Variants in ST7 observed in about 807,000 individuals in gnomAD.
ST7 encodes suppression of tumorigenicity 7, also known as suppressor of tumorigenicity 7 protein.
Under a neutral mutation model 78.7 loss-of-function variants are expected in ST7, and 28 were observed. The ratio of observed to expected loss-of-function variants is 0.36; its 90% confidence interval spans 0.26 to 0.49. The LOEUF is 0.49. Among genes scored for constraint, ST7 ranks in the 20% least tolerant of loss-of-function variants. The pLI, the probability that ST7 is intolerant of heterozygous loss-of-function variation, is 0.99. For missense variants in ST7, 418 were observed against 696.0 expected (o/e 0.60, Z 4.49); for synonymous variants, 247 against 249.6 (o/e 0.99, Z 0.10).
intron 1 of ST7, among the ~76,000 whole-genome samples, chr7:117,071,363 TA>T (rs1041097821): frequency 1.9e-4 from 28 of 147,622 alleles, no homozygotes; most frequent in Non-Finnish European, 3.0e-4. Flanking sequence ...ATCCTGCACT[TA>T]AAAAAAAAAA....
intron 1 of ST7, among the ~76,000 whole-genome samples, chr7:117,059,213 A>C (rs1490297911): frequency 6.6e-6 from 1 of 152,222 alleles, no homozygotes; most frequent in Non-Finnish European, 1.5e-5. Flanking sequence ...TTGTAACACA[A>C]AGGATAAATG....
intron 1 of ST7, among the ~76,000 whole-genome samples, chr7:117,005,685 T>C (rs984281918): frequency 6.6e-6 from 1 of 152,112 alleles, no homozygotes; most frequent in Non-Finnish European, 1.5e-5. Flanking sequence ...GACATCAACT[T>C]AAAAATAAAT....
intron 1 of ST7, among the ~76,000 whole-genome samples, chr7:117,011,602 A>G (rs894539304): frequency 6.6e-6 from 1 of 152,154 alleles, no homozygotes; most frequent in African/African-American, 2.4e-5. Flanking sequence ...TTCAGTAATG[A>G]TTCTTTCTCC....
chr7:117,124,510 C>T (rs1316539092), intron 3 of ST7, among the ~76,000 whole-genome samples: 2 of 152,114 alleles, frequency 1.3e-5, no homozygotes, highest in African/African-American at 4.8e-5. Flanking sequence ...CCAAGATTAA[C>T]ATAATTATTA....
intron 1 of ST7, among the ~76,000 whole-genome samples, chr7:117,053,633 C>T (rs981535241): frequency 3.9e-5 from 6 of 152,218 alleles, no homozygotes; most frequent in Non-Finnish European, 7.3e-5. Flanking sequence ...TCTGGCCACC[C>T]TTCAGTCAGC....
chr7:117,088,437 G>C (rs1488667396), intron 1 of ST7, among the ~76,000 whole-genome samples: 1 of 152,090 alleles, frequency 6.6e-6, no homozygotes, highest in Non-Finnish European at 1.5e-5. Flanking sequence ...AGATGTTTTA[G>C]AATATAGATG....
intron 1 of ST7, among the ~76,000 whole-genome samples, chr7:117,097,744 T>G (rs1341008027): frequency 6.7e-6 from 1 of 149,826 alleles, no homozygotes; most frequent in African/African-American, 2.5e-5. Flanking sequence ...GGGTGTTTTG[T>G]GCACATTTGA....
At chr7:117,184,980 A>G (rs1460359190) in intron 10 of ST7, among the ~76,000 whole-genome samples, 1 of 152,230 alleles carries the variant, frequency 6.6e-6, no homozygotes, top group Non-Finnish European at 1.5e-5. Flanking sequence ...AGGCAAAAAT[A>G]ACCAAGCCTC....
At chr7:117,035,527 G>A (rs1014103668) in intron 1 of ST7, among the ~76,000 whole-genome samples, 2 of 152,062 alleles carry the variant, frequency 1.3e-5, no homozygotes, top group Non-Finnish European at 2.9e-5. Flanking sequence ...AGTAAAACAC[G>A]CATATATAGT....
At chr7:116,989,924 T>C (rs917675934) in intron 1 of ST7, among the ~76,000 whole-genome samples, 1 of 152,144 alleles carries the variant, frequency 6.6e-6, no homozygotes, top group Non-Finnish European at 1.5e-5. Context: ...GTGGCATAGA[T>C]TGGTGATTAA....
intron 1 of ST7, among the ~76,000 whole-genome samples, chr7:116,962,560 G>GT (rs757297886): frequency 3.3e-5 from 5 of 152,120 alleles, no homozygotes; most frequent in Non-Finnish European, 7.4e-5. Flanking sequence ...TTTTTTCTAT[G>GT]TTTGTTGGCC....
chr7:117,009,780 C>T (rs974804250), intron 1 of ST7, among the ~76,000 whole-genome samples: 1 of 152,088 alleles, frequency 6.6e-6, no homozygotes, highest in Non-Finnish European at 1.5e-5. Flanking sequence ...AGGGAGACCA[C>T]ACAGCACCTC....
chr7:117,025,516 A>G (rs1249618046), intron 1 of ST7, among the ~76,000 whole-genome samples: 4 of 152,200 alleles, frequency 2.6e-5, no homozygotes, highest in Non-Finnish European at 5.9e-5. Context: ...TAAAACAAAA[A>G]TAGAAATACT....
rs199789092 is a variant in ST7, at chr7:117,103,243, G to GA, written c.234+3408dup. Among the ~76,000 whole-genome samples, 437 of 151,388 alleles carry GA rather than the reference G, an allele frequency of 2.9e-3. 6 individuals are homozygous for GA. Among genetic ancestry groups the GA allele is most frequent in the East Asian group, 0.029 (149 of 5,172 alleles). On this transcript the variant is annotated intron_variant, in intron 2 of 15. Transcript: ENST00000323984. ...ACCAATCACATTCTTTACAGAAATA[G>GA]AAAAAAAAATCTAAAATTTATGTGG...
At chr7:116,990,428 G>A (rs1167193420) in intron 1 of ST7, among the ~76,000 whole-genome samples, 1 of 151,978 alleles carries the variant, frequency 6.6e-6, no homozygotes, top group Non-Finnish European at 1.5e-5. Flanking sequence ...AGGGGTTAGT[G>A]TTGTTTTGTT....
intron 1 of ST7, chr7:116,958,833 A>G (rs1431933092): frequency 5.5e-6 from 2 of 361,884 alleles, no homozygotes; most frequent in Non-Finnish European, 1.1e-5. Flanking sequence ...AAAAAAAAAA[A>G]TGCTATCTGA....
intron 1 of ST7, among the ~76,000 whole-genome samples, chr7:117,040,027 T>G (rs1017803464): frequency 2.0e-5 from 3 of 152,168 alleles, no homozygotes; most frequent in Non-Finnish European, 4.4e-5. Context: ...GATTTGGATG[T>G]TATTAATCAT....
chr7:117,198,723 C>T (rs1026584306), intron 12 of ST7, among the ~76,000 whole-genome samples: 19 of 152,240 alleles, frequency 1.2e-4, no homozygotes, highest in African/African-American at 4.6e-4. Flanking sequence ...CTCCCTGTTG[C>T]ACCTGCCTCC....
At position 117,100,073 on chromosome 7, in the gene ST7, A is replaced by T. The variant is rs867022853; in HGVS notation, c.234+229A>T. ...ATCGTATATTACTTTGTTGAAGGGG[A>T]AAAACAAATGTAAATGAAATGGAAA... On this transcript the variant is annotated intron_variant, in intron 2 of 15. Transcript: ENST00000323984. 8.5e-4 allele frequency among the ~76,000 whole-genome samples: 130 copies of T among 152,312 alleles called. 2 individuals are homozygous for T. The Middle Eastern group carries it at 0.017, about 20-fold the overall frequency.
Sources: gnomAD v4.1 joint callset for allele counts (sites outside exome capture counted in the v4.1 genomes callset) on GRCh38, gnomAD v4.1.1 for gene constraint, MANE v1.5 for transcripts, NCBI Gene and HGNC (gene_info 2026-07-23, HGNC 2026-07-21) for gene names.